ATF7IP: variants seen among roughly 807,000 people sequenced by gnomAD.
ATF7IP encodes the protein activating transcription factor 7-interacting protein 1.
Under a neutral mutation model 106.4 loss-of-function variants are expected in ATF7IP, and 23 were observed. That is an observed-to-expected ratio of 0.22 (90% CI 0.16 to 0.31). ATF7IP has a LOEUF of 0.31. Among genes scored for constraint, ATF7IP ranks in the 10% least tolerant of loss-of-function variants. The pLI is 1.00. For missense variants in ATF7IP, 1,334 were observed against 1,524.3 expected, an observed-to-expected ratio of 0.88 and a Z score of 2.08; for synonymous variants, 542 against 539.0, an observed-to-expected ratio of 1.01 and a Z score of -0.08.
chr12:14,467,838 C>A (rs1177409885), intron 10 of ATF7IP, among the ~76,000 whole-genome samples: 3 of 186 alleles, frequency 0.016, no homozygotes, highest in Non-Finnish European at 0.065. Context: ...TTTAGTTCTT[C>A]AGTCAAAACC....
At chr12:14,489,132 G>T (rs564640128) in intron 13 of ATF7IP, among the ~76,000 whole-genome samples, 1 of 152,296 alleles carries the variant, frequency 6.6e-6, no homozygotes, top group Non-Finnish European at 1.5e-5. Flanking sequence ...GCCATTTTTA[G>T]TGCTGCCTAG....
At position 14,466,383 on chromosome 12, in the gene ATF7IP, C is replaced by A. The variant is rs989052821; in HGVS notation, c.2798-143C>A. On this transcript the variant is annotated intron_variant, in intron 9 of 14. Transcript: ENST00000261168. ...ATCTGAAAGATACTATAGCAGTGGTCTGTGAATTTGAGTTTTTATTTATGT... is the reference window on the plus strand; with the variant it reads ...ATCTGAAAGATACTATAGCAGTGGTATGTGAATTTGAGTTTTTATTTATGT... 2.4e-5 allele frequency: 16 copies of A among 672,766 alleles called. No homozygotes were observed. The Admixed American group carries it at 2.9e-4, about 12-fold the overall frequency. 41.7% of individuals were successfully genotyped at this position (672,766 alleles called of 1,614,324 possible).
chr12:14,430,998 A>G (rs1194877681), intron 2 of ATF7IP, among the ~76,000 whole-genome samples: 1 of 152,262 alleles, frequency 6.6e-6, no homozygotes, highest in East Asian at 1.9e-4. Flanking sequence ...TATCTAAGGC[A>G]ATGGTTTTTG....
intron 4 of ATF7IP, among the ~76,000 whole-genome samples, chr12:14,437,486 T>C (rs1035228255): frequency 6.6e-6 from 1 of 152,220 alleles, no homozygotes. Context: ...TTTTGAAAAC[T>C]GAGGTTTCCT....
chr12:14,436,616 C>T (rs1045018933), intron 4 of ATF7IP, among the ~76,000 whole-genome samples: 6 of 152,024 alleles, frequency 3.9e-5, no homozygotes, highest in South Asian at 2.1e-4. Context: ...CACTTGAACC[C>T]GGGAGGTGGA....
intron 1 of ATF7IP, among the ~76,000 whole-genome samples, chr12:14,387,999 T>A (rs1344310259): frequency 6.7e-6 from 1 of 148,882 alleles, no homozygotes; most frequent in African/African-American, 2.5e-5. Context: ...TTTTCTTTCT[T>A]TCCTTTCATT....
chr12:14,497,382 C>T (rs1015411586), intron 14 of ATF7IP, among the ~76,000 whole-genome samples: 4 of 151,990 alleles, frequency 2.6e-5, no homozygotes, highest in Admixed American at 2.0e-4. Flanking sequence ...AATGATGTTC[C>T]GTCAGCAGGG....
chr12:14,492,578 A>C (rs184222855), intron 13 of ATF7IP, among the ~76,000 whole-genome samples: 177 of 152,198 alleles, frequency 1.2e-3, no homozygotes, highest in African/African-American at 4.1e-3. Flanking sequence ...TTTGACCTAG[A>C]AGCTTTCTGG....
intron 6 of ATF7IP, among the ~76,000 whole-genome samples, chr12:14,452,037 G>T (rs1943222862): frequency 1.3e-5 from 2 of 151,984 alleles, no homozygotes; most frequent in Non-Finnish European, 2.9e-5. Flanking sequence ...TTGGAGCTCT[G>T]ATGTAGGGGT....
At chr12:14,476,230 G>A (rs765538161) in intron 11 of ATF7IP, 62 of 294,672 alleles carry the variant, frequency 2.1e-4, no homozygotes, top group Non-Finnish European at 2.2e-4. Flanking sequence ...CGGGCAATGC[G>A]GTGAAACCCC....
chr12:14,418,495 A>G (rs1429481256), intron 1 of ATF7IP, among the ~76,000 whole-genome samples: 1 of 152,192 alleles, frequency 6.6e-6, no homozygotes, highest in East Asian at 1.9e-4. Context: ...TATGAATGGC[A>G]TCTTAGTTCT....
chr12:14,393,758 A>G (rs1020708658), intron 1 of ATF7IP, among the ~76,000 whole-genome samples: 33 of 152,150 alleles, frequency 2.2e-4, no homozygotes, highest in African/African-American at 7.5e-4. Context: ...TAGTTTCTGG[A>G]TTGTTACTTT....
At chr12:14,415,945 C>T (rs1223993934) in intron 1 of ATF7IP, among the ~76,000 whole-genome samples, 2 of 151,936 alleles carry the variant, frequency 1.3e-5, no homozygotes, top group Non-Finnish European at 2.9e-5. Context: ...GTCCTGGGAC[C>T]AGTCTCCCAC....
In ATF7IP at chr12:14,436,186, G is replaced by A; in HGVS notation, c.1726G>A (p.Glu576Lys). 6.2e-7 allele frequency: 1 copy of A among 1,613,724 alleles called. No individual in the cohort carries two copies. The highest frequency in any genetic ancestry group is 2.2e-5 in the East Asian group (1 of 44,798). The change falls in exon 4 of 15, where the codon GAA becomes AAA. Residue 576 changes from glutamate (E) to lysine (K), a missense_variant. Glu to Lys is a moderately conservative substitution (Grantham distance 56, BLOSUM62 1). Transcript: ENST00000261168. ...TAAACGTCGTCGATATATGGAAGAAGAATATGAGGCAGAATTTCAAGTAAA... is the reference window on the plus strand; with the variant it reads ...TAAACGTCGTCGATATATGGAAGAAAAATATGAGGCAGAATTTCAAGTAAA... Reference protein sequence around the residue: ...QSKRRRYMEEEYEAEFQVKIT... With the variant: ...QSKRRRYMEEKYEAEFQVKIT...
At chr12:14,468,431 A>G (rs1204827219) in intron 10 of ATF7IP, among the ~76,000 whole-genome samples, 1 of 151,626 alleles carries the variant, frequency 6.6e-6, no homozygotes, top group African/African-American at 2.4e-5. Context: ...ACTTGAGCCC[A>G]GGAGGTCGAA....
chr12:14,389,283 A>C (rs1202960087), intron 1 of ATF7IP, among the ~76,000 whole-genome samples: 1 of 152,134 alleles, frequency 6.6e-6, no homozygotes, highest in African/African-American at 2.4e-5. Flanking sequence ...ACTGGGTCCT[A>C]CTCTGTTAGC....
At chr12:14,462,474 G>A (rs1416101383) in intron 9 of ATF7IP, among the ~76,000 whole-genome samples, 1 of 151,906 alleles carries the variant, frequency 6.6e-6, no homozygotes, top group Non-Finnish European at 1.5e-5. Flanking sequence ...TTGAGGCAAG[G>A]TTGACATTGT....
intron 1 of ATF7IP, among the ~76,000 whole-genome samples, chr12:14,404,121 A>G (rs1157042643): frequency 1.7e-5 from 2 of 119,564 alleles, no homozygotes; most frequent in Non-Finnish European, 3.4e-5. Flanking sequence ...TTGTAATTAC[A>G]CATTTGTAAG....
intron 1 of ATF7IP, among the ~76,000 whole-genome samples, chr12:14,406,847 C>A (rs1266928462): frequency 1.3e-5 from 2 of 152,116 alleles, no homozygotes; most frequent in South Asian, 2.1e-4. Context: ...CCACCTCAGC[C>A]TCCCAAAGTG....
Sources: gnomAD v4.1 joint callset for allele counts (sites outside exome capture counted in the v4.1 genomes callset) on GRCh38, gnomAD v4.1.1 for gene constraint, MANE v1.5 for transcripts, NCBI Gene and HGNC (gene_info 2026-07-23, HGNC 2026-07-21) for gene names.